Variants in PCDHGA3 observed in about 807,000 individuals in gnomAD.
PCDHGA3 encodes protocadherin gamma subfamily A, 3.
A neutral mutation model predicts 58.5 loss-of-function variants in PCDHGA3; 40 were observed. The ratio of observed to expected loss-of-function variants is 0.68; its 90% CI spans 0.53 to 0.89. The LOEUF is 0.89. Ranked by LOEUF, PCDHGA3 falls within the 40% of genes least tolerant of loss-of-function variation. The probability of loss-of-function intolerance (pLI) is 0.00; values close to 1 mark genes in which losing one functional copy is unlikely to be tolerated. For synonymous variants in PCDHGA3, 530 were observed against 525.7 expected (o/e 1.01, Z -0.11); for missense variants, 1,223 against 1,195.9 (o/e 1.02, Z -0.33).
chr5:141,503,213 A>G (rs1368413073), intron 2 of PCDHGA3, among the ~76,000 whole-genome samples: 1 of 152,100 alleles, frequency 6.6e-6, no homozygotes, highest in Non-Finnish European at 1.5e-5. Flanking sequence ...AGTGCCCACC[A>G]TGAGCACCGT....
chr5:141,414,000 A>C (rs759228883), intron 1 of PCDHGA3: 20 of 1,613,400 alleles, frequency 1.2e-5, no homozygotes, highest in Non-Finnish European at 1.6e-5. Flanking sequence ...ACAGGGACGA[A>C]GGTGCCAATG....
intron 1 of PCDHGA3, among the ~76,000 whole-genome samples, chr5:141,443,667 C>G (rs62379164): frequency 0.042 from 6,382 of 152,210 alleles, 168 homozygotes; most frequent in Middle Eastern, 0.088. Flanking sequence ...TTTTACTGAA[C>G]TAGTAGTTTA....
intron 1 of PCDHGA3, chr5:141,408,899 A>G (rs1379621758): frequency 1.2e-6 from 2 of 1,613,316 alleles, no homozygotes; most frequent in Non-Finnish European, 8.5e-7. Context: ...AATTTCTGTC[A>G]AGGATACCAA....
chr5:141,414,559 T>C (rs1330713312), intron 1 of PCDHGA3: 2 of 1,613,782 alleles, frequency 1.2e-6, no homozygotes, highest in Non-Finnish European at 1.7e-6. Flanking sequence ...AGTCTCCTAC[T>C]TTACCTATAT....
intron 1 of PCDHGA3, among the ~76,000 whole-genome samples, chr5:141,481,171 C>G (rs927813327): frequency 6.6e-6 from 1 of 152,120 alleles, no homozygotes; most frequent in African/African-American, 2.4e-5. Flanking sequence ...AACCAGAATC[C>G]AGCTTTATTG....
At chr5:141,423,090 G>T in intron 1 of PCDHGA3, 5 of 1,614,022 alleles carry the variant, frequency 3.1e-6, no homozygotes, top group South Asian at 2.2e-5. Context: ...TCGCGGTGGG[G>T]GAGCACACGG....
At chr5:141,351,170 G>A (rs369227522) in intron 1 of PCDHGA3, 4 of 1,614,038 alleles carry the variant, frequency 2.5e-6, no homozygotes, top group Non-Finnish European at 3.4e-6. Flanking sequence ...TGGCACATTG[G>A]ATTTTGAAGA....
Position 141,376,335 on chromosome 5 carries a change from A to G in PCDHGA3, c.2424+29878A>G, listed in dbSNP as rs754863044. On this transcript the variant is annotated intron_variant, in intron 1 of 3. Coordinates refer to ENST00000253812, the MANE Select transcript of PCDHGA3 (RefSeq NM_018916.4). ...GTGGAAGGGGTTCGGGCTTTCCTGCAGACCTATTCCCACGAGGTCTCACTC... is the reference window on the plus strand; with the variant it reads ...GTGGAAGGGGTTCGGGCTTTCCTGCGGACCTATTCCCACGAGGTCTCACTC... 9 of 1,614,080 alleles carry G rather than the reference A, an allele frequency of 5.6e-6. No individual in the cohort carries two copies. The East Asian group carries it at 6.7e-5, about 12-fold the overall frequency.
intron 1 of PCDHGA3, chr5:141,364,307 A>G: frequency 1.3e-6 from 2 of 1,522,550 alleles, no homozygotes; most frequent in Non-Finnish European, 1.8e-6. Context: ...CAGAACTAAG[A>G]GAAAATTGGG....
At chr5:141,375,897 C>T in intron 1 of PCDHGA3, 1 of 1,613,798 alleles carries the variant, frequency 6.2e-7, no homozygotes, top group South Asian at 1.1e-5. Flanking sequence ...GCCTGGCTGT[C>T]CTACCGCCTG....
intron 3 of PCDHGA3, among the ~76,000 whole-genome samples, chr5:141,506,138 G>T (rs983643755): frequency 6.6e-6 from 1 of 152,134 alleles, no homozygotes; most frequent in African/African-American, 2.4e-5. Flanking sequence ...AGGAGAAGAA[G>T]AATATCATTT....
At chr5:141,401,976 G>A (rs1479930250) in intron 1 of PCDHGA3, among the ~76,000 whole-genome samples, 2 of 152,062 alleles carry the variant, frequency 1.3e-5, no homozygotes, top group Admixed American at 1.3e-4. Context: ...ATTGATGAAG[G>A]ATTAAAATAG....
At chr5:141,364,099 G>T in intron 1 of PCDHGA3, 1 of 407,086 alleles carries the variant, frequency 2.5e-6, no homozygotes, top group Non-Finnish European at 4.3e-6. Context: ...ATTTGATGCA[G>T]TCACTGGTTA....
At chr5:141,370,697 G>T in intron 1 of PCDHGA3, 3 of 1,613,806 alleles carry the variant, frequency 1.9e-6, no homozygotes, top group Non-Finnish European at 2.5e-6. Context: ...AGAAGTCGAC[G>T]TGTGTTCTGG....
At chr5:141,371,103 G>A in intron 1 of PCDHGA3, 1 of 1,613,826 alleles carries the variant, frequency 6.2e-7, no homozygotes, top group South Asian at 1.1e-5. Context: ...AGATGCAAAT[G>A]ATAACCCCCC....
intron 1 of PCDHGA3, chr5:141,405,129 G>A (rs755961534): frequency 9.9e-6 from 16 of 1,613,846 alleles, no homozygotes; most frequent in Middle Eastern, 3.3e-4. Context: ...CATCTGCTGC[G>A]GGCTACCAGT....
intron 1 of PCDHGA3, chr5:141,399,438 T>C (rs2093809569): frequency 1.2e-6 from 2 of 1,613,996 alleles, no homozygotes; most frequent in Admixed American, 1.7e-5. Flanking sequence ...TCATCCTACA[T>C]ATCAGAGACG....
At chr5:141,453,586 C>T (rs1409763264) in intron 1 of PCDHGA3, among the ~76,000 whole-genome samples, 1 of 152,204 alleles carries the variant, frequency 6.6e-6, no homozygotes, top group Non-Finnish European at 1.5e-5. Context: ...GGTTTATCCT[C>T]ACTGTGTTTC....
intron 1 of PCDHGA3, among the ~76,000 whole-genome samples, chr5:141,460,447 A>G (rs1202218653): frequency 6.6e-6 from 1 of 152,170 alleles, no homozygotes; most frequent in Non-Finnish European, 1.5e-5. Context: ...GTAACAATGA[A>G]GATTCATATT....
Sources: gnomAD v4.1 joint callset for allele counts (sites outside exome capture counted in the v4.1 genomes callset) on GRCh38, gnomAD v4.1.1 for gene constraint, MANE v1.5 for transcripts, NCBI Gene and HGNC (gene_info 2026-07-23, HGNC 2026-07-21) for gene names.